The following UGT2B4 variants were observed in gnomAD, a reference collection of about 807,000 sequenced individuals.
The protein encoded by UGT2B4 is UDP-glucuronosyltransferase 2B4.
Under a neutral mutation model 49.8 loss-of-function variants are expected in UGT2B4, and 49 were observed. The ratio of observed to expected loss-of-function variants is 0.98; its 90% CI spans 0.78 to 1.25. The LOEUF is 1.25. Among genes scored for constraint, UGT2B4 ranks in the 50% most tolerant of loss-of-function variants. The probability of loss-of-function intolerance (pLI) is 0.00; values close to 1 mark genes in which losing one functional copy is unlikely to be tolerated. For synonymous variants in UGT2B4, 246 were observed against 217.7 expected (o/e 1.13, Z -1.14); for missense variants, 729 against 627.7 (o/e 1.16, Z -1.73).
Position 69,495,248 on chromosome 4 carries a change from A to G in UGT2B4, c.614T>C (p.Met205Thr), listed in dbSNP as rs750636266. The G allele has an allele frequency of 1.2e-6, 2 of 1,612,730 alleles. No homozygotes were observed. Among genetic ancestry groups the G allele is most frequent in the Admixed American group, 1.7e-5 (1 of 59,646 alleles). ...ATTTTTTACCCTCTCTATGAAAGTC[A>G]TTTGGTCACTTAGTTCTGACATAAC... Reference protein sequence around the residue: ...PVVMSELSDQMTFIERVKNMI... With the variant: ...PVVMSELSDQTTFIERVKNMI... Residue 205 changes from methionine to threonine, a missense_variant, in exon 1 of 6, where the codon ATG (methionine) becomes ACG (threonine). Transcript: ENST00000305107.
At chr4:69,504,487 A>G (rs1728421870) in intron 1 of UGT2B4, among the ~76,000 whole-genome samples, 3 of 152,318 alleles carry the variant, frequency 2.0e-5, no homozygotes, top group Admixed American at 1.3e-4. Context: ...GACCAAGCAA[A>G]GAAAAAAATC....
chr4:69,501,077 C>T (rs1023512523), intron 1 of UGT2B4, among the ~76,000 whole-genome samples: 1 of 152,142 alleles, frequency 6.6e-6, no homozygotes, highest in Non-Finnish European at 1.5e-5. Context: ...CAGGATAAGA[C>T]CCACTGGCTT....
intron 1 of UGT2B4, among the ~76,000 whole-genome samples, chr4:69,524,047 C>T (rs562346684): frequency 6.6e-6 from 1 of 152,144 alleles, no homozygotes; most frequent in South Asian, 2.1e-4. Flanking sequence ...CTGGATTAGG[C>T]TTTGGTTTAA....
chr4:69,481,984 G>C (rs1414460823), intron 5 of UGT2B4, among the ~76,000 whole-genome samples: 1 of 152,128 alleles, frequency 6.6e-6, no homozygotes, highest in African/African-American at 2.4e-5. Flanking sequence ...ATCCAACTCT[G>C]TTATTTGGTC....
intron 1 of UGT2B4, among the ~76,000 whole-genome samples, chr4:69,525,050 G>A (rs957287232): frequency 1.3e-5 from 2 of 152,162 alleles, no homozygotes; most frequent in East Asian, 1.9e-4. Flanking sequence ...GGTTGAAATT[G>A]GAGACCTTAC....
At chr4:69,497,990 A>T (rs1234175031), upstream of UGT2B4, among the ~76,000 whole-genome samples, 1 of 139,928 alleles carries the variant, frequency 7.1e-6, no homozygotes, top group Non-Finnish European at 1.6e-5. Context: ...CAACAACATT[A>T]ATGCAAGACT....
intron 5 of UGT2B4, among the ~76,000 whole-genome samples, chr4:69,481,780 C>A (rs1577877636): frequency 1.3e-5 from 2 of 152,174 alleles, no homozygotes; most frequent in Non-Finnish European, 2.9e-5. Context: ...GAATTATCAT[C>A]TTTAAGTTTC....
At chr4:69,504,618 A>G (rs545531436) in intron 1 of UGT2B4, among the ~76,000 whole-genome samples, 1 of 152,334 alleles carries the variant, frequency 6.6e-6, no homozygotes, top group East Asian at 1.9e-4. Context: ...GACTAAATCT[A>G]CAACTAACTG....
intron 1 of UGT2B4, among the ~76,000 whole-genome samples, chr4:69,508,245 T>C (rs1202743249): frequency 6.6e-6 from 1 of 152,146 alleles, no homozygotes; most frequent in Non-Finnish European, 1.5e-5. Flanking sequence ...AAACACTATA[T>C]ACTTTGGGGA....
chr4:69,486,489 G>A, intron 4 of UGT2B4, 120 bp downstream of exon 4: 2 of 635,700 alleles, frequency 3.1e-6, no homozygotes, highest in South Asian at 7.5e-5. Flanking sequence ...ATATAAAGAA[G>A]TTTCATTTTA....
chr4:69,501,097 G>A (rs973083512), intron 1 of UGT2B4, among the ~76,000 whole-genome samples: 1 of 152,172 alleles, frequency 6.6e-6, no homozygotes. Flanking sequence ...TGGAATTCCA[G>A]ACAGTCATGG....
intron 1 of UGT2B4, among the ~76,000 whole-genome samples, chr4:69,502,942 G>A (rs1728379316): frequency 6.6e-6 from 1 of 150,816 alleles, no homozygotes; most frequent in African/African-American, 2.4e-5. Context: ...CTCCATCCTG[G>A]GATGATTGCA....
At chr4:69,491,285 G>A (rs1039341024) in intron 2 of UGT2B4, among the ~76,000 whole-genome samples, 1 of 151,636 alleles carries the variant, frequency 6.6e-6, no homozygotes, top group Admixed American at 6.6e-5. Context: ...TAAAATTATT[G>A]TAATGCTATA....
rs561512336 is a variant in UGT2B4, at chr4:69,494,290, C to T, written c.722-449G>A. 3.3e-5 allele frequency among the ~76,000 whole-genome samples: 5 copies of T among 152,230 alleles called. No homozygotes were observed. In the South Asian group the frequency reaches 1.0e-3, roughly 32 times the overall value. On this transcript the variant is annotated intron_variant, in intron 1 of 5. Coordinates refer to ENST00000305107, the MANE Select transcript of UGT2B4 (RefSeq NM_021139.3). Reference sequence around the variant, plus strand: ...ATCTAATCTTTTATCTTTGGTTCTTCAGGTTAACTGTTGATTATTTTGAAA... The same window carrying T: ...ATCTAATCTTTTATCTTTGGTTCTTTAGGTTAACTGTTGATTATTTTGAAA...
chr4:69,508,008 C>G (rs1320029045), intron 1 of UGT2B4, among the ~76,000 whole-genome samples: 1 of 151,856 alleles, frequency 6.6e-6, no homozygotes, highest in Non-Finnish European at 1.5e-5. Context: ...AACAAATTTA[C>G]TAGAAAAAAT....
upstream of UGT2B4, among the ~76,000 whole-genome samples, chr4:69,500,625 G>GCAAGAAAGA (rs1728287804): frequency 7.7e-6 from 1 of 130,294 alleles, no homozygotes; most frequent in Non-Finnish European, 1.7e-5. Flanking sequence ...AAGAAAGAAA[G>GCAAGAAAGA]AAAGAAAGAA....
intron 1 of UGT2B4, chr4:69,518,257 C>T (rs1728777172): frequency 6.6e-6 from 1 of 152,470 alleles, no homozygotes; most frequent in Non-Finnish European, 1.5e-5. Context: ...GGTGACCCCT[C>T]TCTATGAGTT....
Position 69,495,332 on chromosome 4 carries a change from C to G in UGT2B4, c.530G>C (p.Gly177Ala), listed in dbSNP as rs1728120344. The part of the protein sequence containing the change: ...PFVYSLRFSP[G>A]YAIEKHSGGL... ...TCCACTATGCTTTTCAATTGCGTAG[C>G]CAGGAGAGAAGCGGAGGCTGTAGAC... The change falls in exon 1 of 6, where the codon GGC becomes GCC. Residue 177 changes from glycine to alanine, a missense_variant. Gly to Ala is a moderately conservative substitution (Grantham distance 60, BLOSUM62 0). Transcript: ENST00000305107. The G allele has an allele frequency of 6.2e-7, 1 of 1,612,990 alleles. No homozygotes were observed. The highest frequency in any genetic ancestry group is 1.1e-5 in the South Asian group (1 of 90,828).
In UGT2B4 at chr4:69,495,882, G is replaced by A. The variant is rs374136413; in HGVS notation, c.-21C>T. ...GACATCCTGATGCAATGCAATGCTTGTTTTCCAGTTGCTGCTCCTTTCTGT... is the reference window on the plus strand; with the variant it reads ...GACATCCTGATGCAATGCAATGCTTATTTTCCAGTTGCTGCTCCTTTCTGT... On this transcript the variant is annotated 5_prime_UTR_variant, in exon 1 of 6. Coordinates refer to ENST00000305107, the MANE Select transcript of UGT2B4 (RefSeq NM_021139.3). 1.9e-6 allele frequency: 3 copies of A among 1,552,700 alleles called. No individual in the cohort carries two copies. Among genetic ancestry groups the A allele is most frequent in the Non-Finnish European group, 2.6e-6 (3 of 1,153,026 alleles).
Sources: allele counts gnomAD v4.1 joint callset (sites outside exome capture counted in the v4.1 genomes callset), GRCh38; gene constraint gnomAD v4.1.1; transcripts MANE v1.5; gene names NCBI Gene and HGNC (gene_info 2026-07-23, HGNC 2026-07-21).